MRPL18: variants seen among roughly 807,000 people sequenced by gnomAD.
MRPL18 encodes the protein mitochondrial ribosomal protein L18.
A neutral mutation model predicts 20.9 loss-of-function variants in MRPL18; 16 were observed. The ratio of observed to expected loss-of-function variants is 0.76; its 90% CI spans 0.52 to 1.16. MRPL18 has a LOEUF of 1.16. Ranked by LOEUF, MRPL18 falls within the 50% of genes most tolerant of loss-of-function variation. MRPL18 has a pLI of 0.00. For missense variants in MRPL18, 233 were observed against 230.6 expected (o/e 1.01, Z -0.07); for synonymous variants, 91 against 87.1 (o/e 1.04, Z -0.25).
Position 159,797,399 on chromosome 6 carries a change from A to C in MRPL18, c.352A>C (p.Ser118Arg). ...GTGGGCTATTAAAAAGCACCTTTAT[A>C]GTACCAGAAATGTGGTGGCTTGTGA... is the stretch of plus-strand genomic sequence containing the variant. ...REWAIKKHLYSTRNVVACESI... is the reference protein window; with the variant it reads ...REWAIKKHLYRTRNVVACESI... The change falls in exon 3 of 4, where the codon AGT becomes CGT. Residue 118 changes from serine (S) to arginine (R), a missense_variant. By Grantham distance (110) the Ser-to-Arg change is moderately radical. Coordinates refer to ENST00000367034, the MANE Select transcript of MRPL18 (RefSeq NM_014161.5). The C allele has an allele frequency of 6.2e-7, 1 of 1,614,198 alleles. No homozygotes were observed. The highest frequency in any genetic ancestry group is 8.5e-7 in the Non-Finnish European group (1 of 1,180,036).
At chr6:159,796,928 A>C (rs1266706916) in intron 2 of MRPL18, among the ~76,000 whole-genome samples, 5 of 152,114 alleles carry the variant, frequency 3.3e-5, no homozygotes, top group Non-Finnish European at 2.9e-5. Flanking sequence ...TCTTATATTT[A>C]TTTTGGTGCT....
chr6:159,790,822 T>A, intron 1 of MRPL18, 118 bp from the exon 2 acceptor site: 1 of 1,422,114 alleles, frequency 7.0e-7, no homozygotes, highest in South Asian at 1.3e-5. Flanking sequence ...GCATACGTAT[T>A]TTTCGTCCCC....
In MRPL18 at chr6:159,798,234, G is replaced by A; in HGVS notation, c.*111G>A. Reference sequence around the variant, plus strand: ...AGCTTGGAAGTTTTACAGCAATAATGTTGCAGTGGAATATTATTTGTAGTT... The same window carrying A: ...AGCTTGGAAGTTTTACAGCAATAATATTGCAGTGGAATATTATTTGTAGTT... On this transcript the variant is annotated 3_prime_UTR_variant, in exon 4 of 4. Transcript: ENST00000367034. 2.5e-6 allele frequency: 2 copies of A among 803,078 alleles called. No homozygotes were observed. Among genetic ancestry groups the A allele is most frequent in the Non-Finnish European group, 4.0e-6 (2 of 503,140 alleles). 49.7% of individuals were successfully genotyped at this position (803,078 alleles called of 1,614,324 possible).
At chr6:159,790,224 G>GT (rs1434216286), upstream of MRPL18, among the ~76,000 whole-genome samples, 1 of 152,168 alleles carries the variant, frequency 6.6e-6, no homozygotes, top group Non-Finnish European at 1.5e-5. Context: ...GTGTGGACCA[G>GT]TCGATGACCG....
chr6:159,797,227 T>C, intron 2 of MRPL18, 60 bp from the exon 3 acceptor site: 1 of 1,436,580 alleles, frequency 7.0e-7, no homozygotes, highest in Admixed American at 1.8e-5. Context: ...TTCACCTCAA[T>C]TAATGTAACT....
intron 2 of MRPL18, among the ~76,000 whole-genome samples, chr6:159,791,915 T>A (rs957975308): frequency 2.0e-5 from 3 of 152,134 alleles, no homozygotes; most frequent in African/African-American, 7.2e-5. Flanking sequence ...TTAGCTGCTT[T>A]TTGGAAGATT....
chr6:159,790,538 A>G lies in MRPL18; in HGVS notation c.-50A>G, dbSNP rs1562487503. 6.2e-7 allele frequency: 1 copy of G among 1,613,396 alleles called. No individual in the cohort carries two copies. Among genetic ancestry groups the G allele is most frequent in the Non-Finnish European group, 8.5e-7 (1 of 1,179,530 alleles). On this transcript the variant is annotated 5_prime_UTR_variant, in exon 1 of 4. Transcript: ENST00000367034. ...TATGGCTGCTCCTGGCGAGCGACTG[A>G]GTCGTCCGTGAGGAAAAAGAGGCGA...
Position 159,791,009 on chromosome 6 carries a change from A to G in MRPL18, c.122A>G (p.Asn41Ser). The G allele has an allele frequency of 6.2e-7, 1 of 1,614,228 alleles. No homozygotes were observed. The highest frequency in any genetic ancestry group is 8.5e-7 in the Non-Finnish European group (1 of 1,180,036). ...AAACCTGAAGTGGACCCTGTGGAAA[A>G]TGAAGCTGTCGCCCCAGAATTCACC... The part of the protein sequence containing the change: ...AAKPEVDPVE[N>S]EAVAPEFTNR... The change falls in exon 2 of 4, where the codon AAT becomes AGT. Residue 41 changes from asparagine (N) to serine (S), a missense_variant. Physicochemically the swap from Asn to Ser is conservative, Grantham distance 46. Coordinates refer to ENST00000367034, the MANE Select transcript of MRPL18 (RefSeq NM_014161.5).
intron 1 of MRPL18, 100 bp downstream of exon 1, chr6:159,790,739 A>G (rs1780858764): frequency 6.5e-7 from 1 of 1,527,202 alleles, no homozygotes; most frequent in Middle Eastern, 1.7e-4. Flanking sequence ...GCCGGATCGA[A>G]ATAGAGCTCG....
chr6:159,791,832 G>C (rs941497612), intron 2 of MRPL18, among the ~76,000 whole-genome samples: 2 of 152,128 alleles, frequency 1.3e-5, no homozygotes, highest in Non-Finnish European at 2.9e-5. Context: ...TTGAACCCAG[G>C]AGGCGGAGGT....
At chr6:159,793,721 A>G (rs1400214018) in intron 2 of MRPL18, among the ~76,000 whole-genome samples, 2 of 152,162 alleles carry the variant, frequency 1.3e-5, no homozygotes, top group Non-Finnish European at 2.9e-5. Flanking sequence ...CATCCTGGCT[A>G]ACACGGTGAA....
intron 2 of MRPL18, among the ~76,000 whole-genome samples, chr6:159,796,733 G>A (rs1781038186): frequency 6.6e-6 from 1 of 152,114 alleles, no homozygotes; most frequent in African/African-American, 2.4e-5. Context: ...ACAGTGAGCT[G>A]TGGTTGCACT....
At chr6:159,791,879 T>C (rs1780909917) in intron 2 of MRPL18, among the ~76,000 whole-genome samples, 1 of 151,752 alleles carries the variant, frequency 6.6e-6, no homozygotes, top group Non-Finnish European at 1.5e-5. Context: ...AGAGCAAAAT[T>C]CTGTCTCAAA....
At chr6:159,797,199 A>C in intron 2 of MRPL18, 88 bp from the exon 3 acceptor site, 1 of 1,255,850 alleles carries the variant, frequency 8.0e-7, no homozygotes, top group Non-Finnish European at 1.1e-6. Flanking sequence ...GGATTGTTGA[A>C]AAATATTTAG....
Position 159,797,310 on chromosome 6 carries a change from A to C in MRPL18, c.263A>C (p.His88Pro). 6.2e-7 allele frequency: 1 copy of C among 1,614,224 alleles called. No homozygotes were observed. Among genetic ancestry groups the C allele is most frequent in the Non-Finnish European group, 8.5e-7 (1 of 1,180,036 alleles). The change falls in exon 3 of 4, where the codon CAT becomes CCT. Residue 88 changes from histidine (H) to proline (P), a missense_variant. His to Pro is a moderately conservative substitution (Grantham distance 77). Coordinates refer to ENST00000367034, the MANE Select transcript of MRPL18 (RefSeq NM_014161.5). ...WHRLRVIRTQ[H>P]HVEALVEHQN... ...AGGTTGCGAGTTATAAGGACTCAGC[A>C]TCATGTAGAAGCACTTGTGGAGCAT... is the stretch of plus-strand genomic sequence containing the variant.
chr6:159,790,910 A>G (rs1780868634), intron 1 of MRPL18, 30 bp from the exon 2 acceptor site: 1 of 1,612,518 alleles, frequency 6.2e-7, no homozygotes, highest in Non-Finnish European at 8.5e-7. Flanking sequence ...CGTCATTTTT[A>G]AGCCCTGTGC....
intron 1 of MRPL18, 93 bp from the exon 2 acceptor site, chr6:159,790,847 T>A: frequency 6.7e-7 from 1 of 1,502,948 alleles, no homozygotes; most frequent in South Asian, 1.2e-5. Flanking sequence ...GCCTAAAGAT[T>A]GGGGGTGTAA....
At chr6:159,792,164 A>G (rs1780917844) in intron 2 of MRPL18, among the ~76,000 whole-genome samples, 1 of 152,214 alleles carries the variant, frequency 6.6e-6, no homozygotes, top group Admixed American at 6.5e-5. Context: ...AGTAAGTGCC[A>G]GAGCTAAGAT....
upstream of MRPL18, chr6:159,790,007 C>T (rs6929124): frequency 0.21 from 36,721 of 170,950 alleles, 4,200 homozygotes; most frequent in East Asian, 0.38. Flanking sequence ...TTTCCTTGTC[C>T]CTGCTCGGGG....
Sources: gnomAD v4.1 joint callset for allele counts (sites outside exome capture counted in the v4.1 genomes callset) on GRCh38, gnomAD v4.1.1 for gene constraint, MANE v1.5 for transcripts, NCBI Gene and HGNC (gene_info 2026-07-23, HGNC 2026-07-21) for gene names.